The following TINCR variants were observed in gnomAD, a reference collection of about 807,000 sequenced individuals.
TINCR encodes TINCR-encoded ubiquitin-like protein.
chr19:5,563,904 G>C lies in TINCR; in HGVS notation c.261-955C>G, dbSNP rs2052114324. Among the ~76,000 whole-genome samples the C allele has an allele frequency of 6.6e-6, 1 of 152,126 alleles. No individual in the cohort carries two copies. Among genetic ancestry groups the C allele is most frequent in the African/African-American group, 2.4e-5 (1 of 41,436 alleles). On this transcript the variant is annotated intron_variant, in intron 1 of 1. Transcript: ENST00000646160. This position sits in a 1 kb window ranked among gnomAD's most constrained non-coding sequence, Gnocchi z 4.7. ...CACTCCAGCCTGGGCGACAGAGCAA[G>C]ACTCCCGTCTCAAAAATAATAAATA...
Position 5,565,424 on chromosome 19 carries a change from G to C in TINCR, c.260+2241C>G, listed in dbSNP as rs967152473. ...CTCCTGTGCTATTATTTGGCTCTAG[G>C]CTCTGTGAAGGCGAAATCTGGTCTC... is the stretch of plus-strand genomic sequence containing the variant. On this transcript the variant is annotated intron_variant, in intron 1 of 1. Coordinates refer to ENST00000646160, the Ensembl canonical transcript of TINCR. The surrounding 1 kb of genome is among the most constrained non-coding windows in gnomAD (Gnocchi z 4.0). Among the ~76,000 whole-genome samples the C allele has an allele frequency of 6.6e-6, 1 of 152,140 alleles. No individual in the cohort carries two copies. Among genetic ancestry groups the C allele is most frequent in the African/African-American group, 2.4e-5 (1 of 41,434 alleles).
At chr19:5,559,052 T>C (rs935896490), downstream of TINCR, 1 of 152,224 alleles carries the variant, frequency 6.6e-6, no homozygotes, top group Non-Finnish European at 1.5e-5. Flanking sequence ...ACATTATTAT[T>C]TCAGAACATG....
intron 1 of TINCR, among the ~76,000 whole-genome samples, chr19:5,566,408 GGA>G (rs1026375040): frequency 3.3e-5 from 5 of 151,148 alleles, no homozygotes; most frequent in Admixed American, 2.0e-4. Flanking sequence ...AGACAGAAAT[GGA>G]GAGAGACAGA....
intron 1 of TINCR, among the ~76,000 whole-genome samples, chr19:5,566,173 A>G (rs1053979133): frequency 3.3e-5 from 5 of 152,210 alleles, no homozygotes; most frequent in Non-Finnish European, 5.9e-5. Flanking sequence ...AGAGAGAGAC[A>G]GAGCTTCAGA....
At chr19:5,567,423 AAG>A (rs898696014) in intron 1 of TINCR, among the ~76,000 whole-genome samples, 1 of 152,078 alleles carries the variant, frequency 6.6e-6, no homozygotes. Flanking sequence ...ACAGAGACAA[AAG>A]AGAGAGAGGC....
downstream of TINCR, chr19:5,562,579 T>C (rs956638963): frequency 6.6e-6 from 1 of 152,068 alleles, no homozygotes; most frequent in Non-Finnish European, 1.5e-5. This position sits in a 1 kb window ranked among gnomAD's most constrained non-coding sequence, Gnocchi z 4.4. Flanking sequence ...AAAAAATAAG[T>C]AAAACGTAGA....
intron 1 of TINCR, among the ~76,000 whole-genome samples, chr19:5,567,252 GAC>G (rs1343864192): frequency 6.6e-6 from 1 of 151,810 alleles, no homozygotes; most frequent in African/African-American, 2.4e-5. Context: ...ATAAAAGAGA[GAC>G]ACAGACAAAA....
rs1350414433 is a variant in TINCR at position 5,563,093 on chromosome 19, G to C, written c.261-144C>G. 3 of 152,962 alleles carry C rather than the reference G, an allele frequency of 2.0e-5. No individual in the cohort carries two copies. In the East Asian group the frequency reaches 5.8e-4, roughly 29 times the overall value. The allele number at this position is 152,962 out of a possible 1,614,324, so 9.5% of individuals were successfully genotyped here. Reference sequence around the variant, plus strand: ...CGAGGAGGCCTGTGTGGCTGGAGCAGAGTGAGGAAGGGGAAGAGAGGGAGG... The same window carrying C: ...CGAGGAGGCCTGTGTGGCTGGAGCACAGTGAGGAAGGGGAAGAGAGGGAGG... On this transcript the variant is annotated intron_variant, in intron 1 of 1. Transcript: ENST00000646160. The surrounding 1 kb of genome is among the most constrained non-coding windows in gnomAD (Gnocchi z 4.7).
intron 1 of TINCR, 39 bp downstream of exon 1, chr19:5,567,626 G>GCCCCCCCCCCCCCCCCCCCCC: frequency 9.9e-6 from 2 of 202,442 alleles, no homozygotes; most frequent in Non-Finnish European, 2.0e-5. Context: ...GTCCCCGGCC[G>GCCCCCCCCCCCCCCCCCCCCC]CCGCCCCCGC....
chr19:5,567,629 G>GCCCCCCCCCCCCCCCCCCCCC, intron 1 of TINCR, 36 bp downstream of exon 1: 5 of 181,986 alleles, frequency 2.7e-5, no homozygotes, highest in East Asian at 2.6e-4. Flanking sequence ...CCCGGCCGCC[G>GCCCCCCCCCCCCCCCCCCCCC]CCCCCGCCCC....
chr19:5,567,626 GCC>G, intron 1 of TINCR, 37 bp downstream of exon 1: 6 of 202,424 alleles, frequency 3.0e-5, no homozygotes, highest in Non-Finnish European at 4.9e-5. Context: ...GTCCCCGGCC[GCC>G]GCCCCCGCCC....
At chr19:5,567,714 C>G in exon 1 of TINCR, 1 of 337,392 alleles carries the variant, frequency 3.0e-6, no homozygotes. Flanking sequence ...AGGCGCGCGT[C>G]GCGCACCGTC....
rs549670505 is a variant in TINCR, at chr19:5,567,946, C to G, written c.-22G>C. On this transcript the variant is annotated 5_prime_UTR_variant, in exon 1 of 2. Coordinates refer to ENST00000646160, the Ensembl canonical transcript of TINCR. ...CCATGGCGCCCGCCCGGCTCCGGCT[C>G]CAGCTCTGGCCCCGGGCCCCGAGCG... is the stretch of plus-strand genomic sequence containing the variant. 473 of 375,534 alleles carry G rather than the reference C, an allele frequency of 1.3e-3. 2 individuals are homozygous for G. Among genetic ancestry groups the G allele is most frequent in the African/African-American group, 9.2e-3 (433 of 47,194 alleles). The allele number at this position is 375,534 out of a possible 1,614,324, so 23.3% of individuals were successfully genotyped here. A position where few individuals can be genotyped will look rare whatever the true frequency, so the allele number is the denominator to read the frequency against.
chr19:5,562,709 T>C lies in TINCR; in HGVS notation c.*138A>G, dbSNP rs2052107786. On this transcript the variant is annotated 3_prime_UTR_variant, in exon 2 of 2. Coordinates refer to ENST00000646160, the Ensembl canonical transcript of TINCR. The surrounding 1 kb of genome is among the most constrained non-coding windows in gnomAD (Gnocchi z 4.4). ...CCCTGTCACCCAGACTAGAGTGTAATGGCACGATCTCAGCTCACTGCAACC... is the reference window on the plus strand; with the variant it reads ...CCCTGTCACCCAGACTAGAGTGTAACGGCACGATCTCAGCTCACTGCAACC... The C allele has an allele frequency of 6.6e-6, 1 of 152,226 alleles. No homozygotes were observed. The highest frequency in any genetic ancestry group is 1.5e-5 in the Non-Finnish European group (1 of 68,060). The allele number at this position is 152,226 out of a possible 1,614,324, so 9.4% of individuals were successfully genotyped here. A position where few individuals can be genotyped will look rare whatever the true frequency, so the allele number is the denominator to read the frequency against.
chr19:5,562,633 G>C (rs919998532), downstream of TINCR: 4 of 152,126 alleles, frequency 2.6e-5, no homozygotes, highest in Non-Finnish European at 4.4e-5. This position sits in a 1 kb window ranked among gnomAD's most constrained non-coding sequence, Gnocchi z 4.4. Flanking sequence ...AGAAAGCAGG[G>C]ATGGCGTGAA....
chr19:5,567,303 G>A (rs1362410030), intron 1 of TINCR, among the ~76,000 whole-genome samples: 1 of 151,732 alleles, frequency 6.6e-6, no homozygotes, highest in East Asian at 1.9e-4. Context: ...ACAGAGATAA[G>A]AGTCAGAGAC....
At chr19:5,567,425 G>A (rs1238425943) in intron 1 of TINCR, among the ~76,000 whole-genome samples, 4 of 152,210 alleles carry the variant, frequency 2.6e-5, no homozygotes, top group Non-Finnish European at 5.9e-5. Flanking sequence ...AGAGACAAAA[G>A]AGAGAGAGGC....
chr19:5,566,358 A>T (rs543818708), intron 1 of TINCR, among the ~76,000 whole-genome samples: 4 of 152,170 alleles, frequency 2.6e-5, no homozygotes, highest in African/African-American at 9.6e-5. Context: ...ACGCAGAGAA[A>T]CAGAGAGACA....
Position 5,563,626 on chromosome 19 carries a change from G to A in TINCR, c.261-677C>T, listed in dbSNP as rs532609010. Among the ~76,000 whole-genome samples, 13 of 152,026 alleles carry A rather than the reference G, an allele frequency of 8.6e-5. No individual in the cohort carries two copies. The South Asian group carries it at 2.5e-3, about 29-fold the overall frequency. The stretch of plus-strand genomic sequence containing the variant: ...CCACCTGTAAACCGCCAATGATAAC[G>A]GCACCCGGCCAGGCACGGTGGCTCA... On this transcript the variant is annotated intron_variant, in intron 1 of 1. Coordinates refer to ENST00000646160, the Ensembl canonical transcript of TINCR. This position sits in a 1 kb window ranked among gnomAD's most constrained non-coding sequence, Gnocchi z 4.7.
Sources: gnomAD v4.1 joint callset for allele counts (sites outside exome capture counted in the v4.1 genomes callset) on GRCh38, gnomAD v4.1.1 for gene constraint, Gnocchi (gnomAD v3.1) non-coding constraint, MANE v1.5 for transcripts, NCBI Gene and HGNC (gene_info 2026-07-23, HGNC 2026-07-21) for gene names.